POPDC1: variants seen among roughly 807,000 people sequenced by gnomAD.
The protein encoded by POPDC1 is popeye domain cAMP effector 1.
the POPDC1 span, among the ~76,000 whole-genome samples, chr6:105,111,283 C>T: frequency 6.6e-6 from 1 of 152,124 alleles, no homozygotes; most frequent in African/African-American, 2.4e-5. Flanking sequence ...CATAGCAATG[C>T]CTGAGCTGGG....
the POPDC1 span, chr6:105,125,543 C>G: frequency 6.2e-6 from 10 of 1,613,998 alleles, no homozygotes; most frequent in South Asian, 1.1e-4. Flanking sequence ...CAAACAATCG[C>G]CGGTACATGC....
At chr6:105,127,275 A>G in the POPDC1 span, among the ~76,000 whole-genome samples, 1 of 152,146 alleles carries the variant, frequency 6.6e-6, no homozygotes, top group Non-Finnish European at 1.5e-5. Flanking sequence ...CGATTTACCT[A>G]TTTGGTGCTA....
chr6:105,102,675 T>G, the POPDC1 span, among the ~76,000 whole-genome samples: 75 of 152,290 alleles, frequency 4.9e-4, no homozygotes, highest in African/African-American at 1.7e-3. Flanking sequence ...CTCCATGGGA[T>G]TGTTAGGAGG....
the POPDC1 span, chr6:105,133,418 C>T: frequency 2.5e-6 from 4 of 1,613,840 alleles, no homozygotes; most frequent in South Asian, 1.1e-5. Flanking sequence ...ACCAACCCAA[C>T]TGCAAAACAA....
chr6:105,135,716 A>AAG, the POPDC1 span, among the ~76,000 whole-genome samples: 25 of 152,104 alleles, frequency 1.6e-4, no homozygotes, highest in South Asian at 3.1e-3. Flanking sequence ...CACCTTATTA[A>AAG]AGAGAGAGAG....
the POPDC1 span, among the ~76,000 whole-genome samples, chr6:105,123,570 G>T: frequency 5.3e-3 from 802 of 151,884 alleles, 7 homozygotes; most frequent in African/African-American, 0.018. Context: ...CCAGCTAATT[G>T]TTTGTATTTT....
the POPDC1 span, chr6:105,125,464 T>C: frequency 6.2e-7 from 1 of 1,614,234 alleles, no homozygotes; most frequent in East Asian, 2.2e-5. Flanking sequence ...TGGCCCTTTT[T>C]CAAGGTTTGG....
At chr6:105,103,354 T>G in the POPDC1 span, among the ~76,000 whole-genome samples, 6,313 of 152,226 alleles carry the variant, frequency 0.041, 170 homozygotes, top group Middle Eastern at 0.072. Flanking sequence ...ATGAGAAAAT[T>G]TGTTAAAATT....
the POPDC1 span, among the ~76,000 whole-genome samples, chr6:105,132,820 A>G: frequency 2.0e-5 from 3 of 152,210 alleles, no homozygotes; most frequent in South Asian, 2.1e-4. Context: ...TTTGTTCCCA[A>G]TGTTTCTTTA....
chr6:105,123,469 T>C, the POPDC1 span, among the ~76,000 whole-genome samples: 3 of 152,024 alleles, frequency 2.0e-5, no homozygotes, highest in African/African-American at 7.2e-5. Flanking sequence ...GGCGTGATCT[T>C]GGCTCACTGC....
the POPDC1 span, chr6:105,124,758 T>A: frequency 1.6e-5 from 13 of 837,232 alleles, no homozygotes; most frequent in Non-Finnish European, 2.5e-5. Flanking sequence ...TAGTACAGTT[T>A]TAAAAATTCC....
chr6:105,104,035 T>C, the POPDC1 span, among the ~76,000 whole-genome samples: 4 of 152,248 alleles, frequency 2.6e-5, no homozygotes, highest in East Asian at 7.8e-4. Context: ...ATCCTTAGGG[T>C]GACATCCAGG....
chr6:105,133,792 C>T, the POPDC1 span, among the ~76,000 whole-genome samples: 1 of 152,046 alleles, frequency 6.6e-6, no homozygotes, highest in African/African-American at 2.4e-5. Context: ...GTAATAATAC[C>T]TCATTTGCCT....
At chr6:105,134,964 A>T in the POPDC1 span, among the ~76,000 whole-genome samples, 1 of 152,126 alleles carries the variant, frequency 6.6e-6, no homozygotes, top group African/African-American at 2.4e-5. Context: ...ATTTATACAA[A>T]ATTTGCTTTT....
the POPDC1 span, chr6:105,099,188 AAACC>A: frequency 1.3e-5 from 2 of 152,234 alleles, no homozygotes; most frequent in Non-Finnish European, 2.9e-5. Flanking sequence ...TGATGTCAAT[AAACC>A]AACATCTGAA....
chr6:105,100,591 T>C, the POPDC1 span: 1 of 149,686 alleles, frequency 6.7e-6, no homozygotes, highest in Admixed American at 6.6e-5. Context: ...TGTGTGTGTG[T>C]GTGTGTGTGT....
At chr6:105,132,420 G>A in the POPDC1 span, among the ~76,000 whole-genome samples, 1 of 152,074 alleles carries the variant, frequency 6.6e-6, no homozygotes, top group African/African-American at 2.4e-5. Flanking sequence ...CCTCCTCAGC[G>A]GGACCCTGCT....
the POPDC1 span, among the ~76,000 whole-genome samples, chr6:105,108,613 A>C: frequency 6.6e-6 from 1 of 152,198 alleles, no homozygotes; most frequent in Non-Finnish European, 1.5e-5. Context: ...TAGGGGAAAA[A>C]AGAGAGTCAA....
the POPDC1 span, among the ~76,000 whole-genome samples, chr6:105,123,229 GAT>G: frequency 6.6e-6 from 1 of 152,050 alleles, no homozygotes; most frequent in South Asian, 2.1e-4. Flanking sequence ...CCATTCTCAG[GAT>G]ATTACCTTAC....
Sources: allele counts gnomAD v4.1 joint callset (sites outside exome capture counted in the v4.1 genomes callset), GRCh38; gene constraint gnomAD v4.1.1; transcripts MANE v1.5; gene names NCBI Gene and HGNC (gene_info 2026-07-23, HGNC 2026-07-21).